GPHN: variants seen among roughly 807,000 people sequenced by gnomAD.
The protein encoded by GPHN is gephyrin.
Under a neutral mutation model 95.5 loss-of-function variants are expected in GPHN, and 17 were observed. The observed-to-expected ratio is 0.18, with a 90% CI of 0.12 to 0.27. GPHN has a LOEUF of 0.27. Among genes scored for constraint, GPHN ranks in the 10% least tolerant of loss-of-function variants. The probability of loss-of-function intolerance (pLI) is 1.00; values close to 1 mark genes in which losing one functional copy is unlikely to be tolerated. For synonymous variants in GPHN, 320 were observed against 322.5 expected, an observed-to-expected ratio of 0.99 and a Z score of 0.08; for missense variants, 660 against 978.1, an observed-to-expected ratio of 0.67 and a Z score of 4.34.
At chr14:66,806,627 C>T (rs141082462) in intron 3 of GPHN, among the ~76,000 whole-genome samples, 111 of 152,286 alleles carry the variant, frequency 7.3e-4, no homozygotes, top group African/African-American at 2.6e-3. Flanking sequence ...AATCATCTCT[C>T]TCAAGTTCAA....
At chr14:67,159,628 T>G in intron 19 of GPHN, 140 bp downstream of exon 19, 95 of 679,046 alleles carry the variant, frequency 1.4e-4, no homozygotes, top group East Asian at 1.4e-4. Flanking sequence ...TTAGGATCCT[T>G]TGCACAAGTG....
the GPHN span, among the ~76,000 whole-genome samples, chr14:67,487,457 T>C: frequency 6.6e-6 from 1 of 152,210 alleles, no homozygotes; most frequent in Non-Finnish European, 1.5e-5. Context: ...TGAGAGGGGA[T>C]ATAATTTTAG....
In GPHN at chr14:66,797,190, G is replaced by T. The variant is rs57005763; in HGVS notation, c.201+20669G>T. Among the ~76,000 whole-genome samples the T allele has an allele frequency of 2.8e-4, 43 of 151,532 alleles. No individual in the cohort carries two copies. In the East Asian group the frequency reaches 6.0e-3, roughly 21 times the overall value. ...TCTCTATTCTGTTCCATTAACCTAG[G>T]TGTCTGTTTTTATGTCAGTATCATG... On this transcript the variant is annotated intron_variant, in intron 3 of 22. Transcript: ENST00000478722.
At chr14:67,214,939 G>C in the GPHN span, among the ~76,000 whole-genome samples, 2 of 152,076 alleles carry the variant, frequency 1.3e-5, no homozygotes, top group African/African-American at 2.4e-5. Flanking sequence ...TTGTGAATGG[G>C]AGTTCACTCA....
chr14:67,568,734 A>G, the GPHN span, among the ~76,000 whole-genome samples: 1 of 151,982 alleles, frequency 6.6e-6, no homozygotes, highest in Non-Finnish European at 1.5e-5. Flanking sequence ...AATATCCCCA[A>G]CTTCTGGGGG....
the GPHN span, among the ~76,000 whole-genome samples, chr14:67,218,945 C>T: frequency 2.5e-3 from 378 of 152,042 alleles, 2 homozygotes; most frequent in East Asian, 0.035. Flanking sequence ...AGGTTCTGCA[C>T]AGGTGGTGTT....
At chr14:67,214,239 C>T in the GPHN span, among the ~76,000 whole-genome samples, 2 of 152,172 alleles carry the variant, frequency 1.3e-5, no homozygotes, top group South Asian at 4.2e-4. Flanking sequence ...AAGTCCTTGC[C>T]CATGCCTATG....
rs372812927 is a variant in GPHN, at chr14:67,169,152, G to A, written c.2079+116G>A. 2.7e-5 allele frequency: 20 copies of A among 740,044 alleles called. No individual in the cohort carries two copies. In the African/African-American group the frequency reaches 3.3e-4, roughly 12 times the overall value. The allele number at this position is 740,044 out of a possible 1,614,324, so 45.8% of individuals were successfully genotyped here. Reference sequence around the variant, plus strand: ...TTTTCTATTAGTTTTGATGGAAAATGTGATTATATTCTCCCCCTGTGTACT... The same window carrying A: ...TTTTCTATTAGTTTTGATGGAAAATATGATTATATTCTCCCCCTGTGTACT... On this transcript the variant is annotated intron_variant, in intron 21 of 22. Coordinates refer to ENST00000478722, the MANE Select transcript of GPHN (RefSeq NM_020806.5).
chr14:67,302,704 G>GACCACT, the GPHN span: 1 of 651,172 alleles, frequency 1.5e-6, no homozygotes, highest in Non-Finnish European at 2.3e-6. Flanking sequence ...TGATGTAACT[G>GACCACT]TTCCACAGTA....
At position 66,628,889 on chromosome 14, in the gene GPHN, A is replaced by G. The variant is rs1423635562; in HGVS notation, c.65-52218A>G. Among the ~76,000 whole-genome samples, 8 of 150,936 alleles carry G rather than the reference A, an allele frequency of 5.3e-5. No individual in the cohort carries two copies. In the Admixed American group the frequency reaches 5.3e-4, roughly 10 times the overall value. On this transcript the variant is annotated intron_variant, in intron 1 of 22. Transcript: ENST00000478722. ...AGCATGGGGAAGATAATTACACCTTATCTATACAAAAAAATAATTTAAAAA... is the reference window on the plus strand; with the variant it reads ...AGCATGGGGAAGATAATTACACCTTGTCTATACAAAAAAATAATTTAAAAA...
intron 1 of GPHN, among the ~76,000 whole-genome samples, chr14:66,672,867 C>T (rs1036908393): frequency 5.3e-5 from 8 of 152,046 alleles, no homozygotes; most frequent in African/African-American, 1.9e-4. Flanking sequence ...CCCTGACAAT[C>T]TCTGTTTTTT....
chr14:66,999,102 TTG>T (rs1455341125), intron 9 of GPHN, among the ~76,000 whole-genome samples: 1 of 151,812 alleles, frequency 6.6e-6, no homozygotes, highest in Non-Finnish European at 1.5e-5. Flanking sequence ...TGGCAGAAAA[TTG>T]TCTTTTCTTA....
chr14:67,154,308 T>C (rs760959446), intron 18 of GPHN, among the ~76,000 whole-genome samples: 4 of 152,214 alleles, frequency 2.6e-5, no homozygotes, highest in Non-Finnish European at 5.9e-5. Flanking sequence ...TCTTCTAGAA[T>C]GACCTTTCCT....
chr14:66,721,188 C>T (rs750262110), intron 2 of GPHN, among the ~76,000 whole-genome samples: 2 of 152,040 alleles, frequency 1.3e-5, no homozygotes, highest in Non-Finnish European at 2.9e-5. Context: ...GAGCCTTTTC[C>T]ATTAGACACT....
At chr14:67,643,852 TAAAAAAAA>T in the GPHN span, among the ~76,000 whole-genome samples, 7 of 81,216 alleles carry the variant, frequency 8.6e-5, no homozygotes, top group East Asian at 1.4e-3. Context: ...TCCTTGGGAG[TAAAAAAAA>T]AAAAAAAAAA....
chr14:67,610,264 G>C, the GPHN span, among the ~76,000 whole-genome samples: 1 of 152,162 alleles, frequency 6.6e-6, no homozygotes, highest in Non-Finnish European at 1.5e-5. Flanking sequence ...AGCTAAATTG[G>C]TTGGGGGTTT....
chr14:66,711,855 C>T (rs1030688720), intron 2 of GPHN, among the ~76,000 whole-genome samples: 4 of 151,920 alleles, frequency 2.6e-5, no homozygotes, highest in Admixed American at 1.3e-4. Flanking sequence ...GTTTTCTGTC[C>T]TTGTGGTGGT....
intron 9 of GPHN, among the ~76,000 whole-genome samples, chr14:67,018,302 C>T (rs569229026): frequency 6.6e-6 from 1 of 151,886 alleles, no homozygotes; most frequent in African/African-American, 2.4e-5. Context: ...TAAATTATAT[C>T]TCAACACTGC....
chr14:66,681,289 TTTTTC>T, intron 2 of GPHN, 104 bp downstream of exon 2: 1 of 763,560 alleles, frequency 1.3e-6, no homozygotes, highest in East Asian at 2.7e-5. Flanking sequence ...GTACAACAAT[TTTTTC>T]TTTTCTAATA....
Sources: allele counts gnomAD v4.1 joint callset (sites outside exome capture counted in the v4.1 genomes callset), GRCh38; gene constraint gnomAD v4.1.1; transcripts MANE v1.5; gene names NCBI Gene and HGNC (gene_info 2026-07-23, HGNC 2026-07-21).